Variants in SLC25A21 observed in about 807,000 individuals in gnomAD.
SLC25A21 encodes the protein mitochondrial 2-oxodicarboxylate carrier.
In SLC25A21, 47 loss-of-function variants were observed where a neutral mutation model predicts 43.8. The observed-to-expected ratio is 1.07, with a 90% CI of 0.85 to 1.37. The LOEUF (loss-of-function observed/expected upper bound fraction) is 1.37. Ranked by LOEUF, SLC25A21 falls within the 40% of genes most tolerant of loss-of-function variation. The pLI is 0.00. For synonymous variants in SLC25A21, 131 were observed against 121.3 expected, an observed-to-expected ratio of 1.08 and a Z score of -0.52; for missense variants, 352 against 350.2, an observed-to-expected ratio of 1.00 and a Z score of -0.04.
intron 3 of SLC25A21, among the ~76,000 whole-genome samples, chr14:36,741,420 T>C (rs1885258375): frequency 6.6e-6 from 1 of 152,030 alleles, no homozygotes; most frequent in Admixed American, 6.6e-5. Flanking sequence ...AAAGAGAAAA[T>C]GCATATAAAG....
At chr14:37,039,502 A>T (rs981097064) in intron 1 of SLC25A21, among the ~76,000 whole-genome samples, 4 of 152,166 alleles carry the variant, frequency 2.6e-5, no homozygotes, top group African/African-American at 9.7e-5. Flanking sequence ...AACTTTACAT[A>T]AGTGGAATAA....
chr14:37,008,342 A>G (rs1489902362), intron 1 of SLC25A21, among the ~76,000 whole-genome samples: 1 of 152,218 alleles, frequency 6.6e-6, no homozygotes, highest in Non-Finnish European at 1.5e-5. Context: ...CATTTGCCTC[A>G]ACTATCTTTA....
chr14:37,051,395 G>T (rs903402047), intron 1 of SLC25A21, among the ~76,000 whole-genome samples: 1 of 152,144 alleles, frequency 6.6e-6, no homozygotes, highest in African/African-American at 2.4e-5. Context: ...GGAGAGGGAA[G>T]AACTCATTTC....
At chr14:36,795,445 C>T (rs988460409) in intron 3 of SLC25A21, among the ~76,000 whole-genome samples, 4 of 152,156 alleles carry the variant, frequency 2.6e-5, no homozygotes, top group Non-Finnish European at 5.9e-5. Context: ...TTCTTCTTGC[C>T]TAACAGATAC....
chr14:36,761,734 T>A (rs1886164816), intron 3 of SLC25A21, among the ~76,000 whole-genome samples: 1 of 151,640 alleles, frequency 6.6e-6, no homozygotes, highest in African/African-American at 2.4e-5. Flanking sequence ...TATGGACTAT[T>A]ACAGTATTTA....
chr14:37,160,000 C>T (rs895633612), intron 1 of SLC25A21, among the ~76,000 whole-genome samples: 2 of 152,080 alleles, frequency 1.3e-5, no homozygotes, highest in Non-Finnish European at 2.9e-5. Context: ...AAATGCAAAT[C>T]AAAACCACAA....
intron 1 of SLC25A21, among the ~76,000 whole-genome samples, chr14:37,171,062 G>A (rs1964117372): frequency 6.9e-6 from 1 of 144,926 alleles, no homozygotes; most frequent in Admixed American, 7.1e-5. Context: ...ATCCAGCTCC[G>A]GTGCCTTCCA....
intron 1 of SLC25A21, among the ~76,000 whole-genome samples, chr14:36,899,723 A>G (rs1891349651): frequency 6.6e-6 from 1 of 152,244 alleles, no homozygotes; most frequent in Non-Finnish European, 1.5e-5. Context: ...CTAAAATGCC[A>G]TTGTCTACAA....
chr14:37,124,979 A>G (rs968480130), intron 1 of SLC25A21, among the ~76,000 whole-genome samples: 10 of 152,176 alleles, frequency 6.6e-5, no homozygotes, highest in African/African-American at 9.7e-5. Context: ...CCATAAGCCA[A>G]TTAAACCTCT....
At chr14:37,104,053 T>C (rs1323500021) in intron 1 of SLC25A21, among the ~76,000 whole-genome samples, 1 of 152,142 alleles carries the variant, frequency 6.6e-6, no homozygotes, top group Non-Finnish European at 1.5e-5. Flanking sequence ...TCATATAAGG[T>C]AACAGATAAA....
intron 2 of SLC25A21, among the ~76,000 whole-genome samples, chr14:36,846,987 A>T (rs1160442281): frequency 6.6e-6 from 1 of 152,262 alleles, no homozygotes; most frequent in Non-Finnish European, 1.5e-5. Flanking sequence ...AGCTTACCTG[A>T]AAAGAAGCGT....
At chr14:37,109,086 A>C (rs1482813094) in intron 1 of SLC25A21, among the ~76,000 whole-genome samples, 1 of 152,170 alleles carries the variant, frequency 6.6e-6, no homozygotes, top group Non-Finnish European at 1.5e-5. Context: ...CCTACTTTGC[A>C]ACAGCAGAAT....
At chr14:36,837,146 A>C (rs1594629217) in intron 2 of SLC25A21, among the ~76,000 whole-genome samples, 1 of 152,098 alleles carries the variant, frequency 6.6e-6, no homozygotes, top group Non-Finnish European at 1.5e-5. Flanking sequence ...TGTGGTGGGA[A>C]GGAAACCTAG....
intron 3 of SLC25A21, among the ~76,000 whole-genome samples, chr14:36,743,296 C>T (rs1289919405): frequency 6.6e-6 from 1 of 152,132 alleles, no homozygotes; most frequent in East Asian, 1.9e-4. Flanking sequence ...TTATAACTGA[C>T]TATATGGTAA....
chr14:36,805,409 T>G (rs766064263), intron 3 of SLC25A21, among the ~76,000 whole-genome samples: 53 of 152,250 alleles, frequency 3.5e-4, no homozygotes, highest in Non-Finnish European at 7.2e-4. Context: ...AAAAGACCTC[T>G]GATTTAGAAA....
chr14:37,048,165 C>A (rs1961628422), intron 1 of SLC25A21, among the ~76,000 whole-genome samples: 1 of 152,090 alleles, frequency 6.6e-6, no homozygotes, highest in Non-Finnish European at 1.5e-5. Context: ...TATGTCCATT[C>A]CTCCCTCAAC....
chr14:37,043,573 C>CT (rs760840395), intron 1 of SLC25A21, among the ~76,000 whole-genome samples: 2 of 152,170 alleles, frequency 1.3e-5, no homozygotes, highest in African/African-American at 2.4e-5. Flanking sequence ...TTTTATGGCT[C>CT]TTTTTGGGCT....
rs943720073 is a variant in SLC25A21 at position 37,138,628 on chromosome 14, T to C, written c.70+33653A>G. On this transcript the variant is annotated intron_variant, in intron 1 of 9. Transcript: ENST00000331299. ...GACAATATCTCTTATCTTTTATCTA[T>C]TTCACTCCACTCAATTTCCTATGCA... 3.3e-5 allele frequency among the ~76,000 whole-genome samples: 5 copies of C among 152,082 alleles called. No individual in the cohort carries two copies. The South Asian group carries it at 8.3e-4, about 25-fold the overall frequency.
intron 3 of SLC25A21, among the ~76,000 whole-genome samples, chr14:36,783,356 C>T (rs930372984): frequency 1.4e-4 from 21 of 152,114 alleles, no homozygotes; most frequent in Middle Eastern, 3.4e-3. Context: ...TCAGCAAGCC[C>T]CCTGATAGAT....
Sources: gnomAD v4.1 joint callset for allele counts (sites outside exome capture counted in the v4.1 genomes callset) on GRCh38, gnomAD v4.1.1 for gene constraint, MANE v1.5 for transcripts, NCBI Gene and HGNC (gene_info 2026-07-23, HGNC 2026-07-21) for gene names.